MEGF11: variants seen among roughly 807,000 people sequenced by gnomAD.
The protein encoded by MEGF11 is multiple epidermal growth factor-like domains protein 11.
MEGF11 carries 126 observed loss-of-function variants against 146.6 expected under a neutral mutation model. That is an observed-to-expected ratio of 0.86 (90% CI 0.74 to 1.00). The LOEUF (loss-of-function observed/expected upper bound fraction) is 1.00. MEGF11 is among the 50% of genes least tolerant of loss of function. The pLI is 0.00. For missense variants in MEGF11, 1,509 were observed against 1,521.2 expected (o/e 0.99, Z 0.13); for synonymous variants, 532 against 583.4 (o/e 0.91, Z 1.27).
chr15:66,011,720 C>CTATTATTATTAT (rs55863629), intron 5 of MEGF11, among the ~76,000 whole-genome samples: 5,619 of 149,350 alleles, frequency 0.038, 143 homozygotes, highest in South Asian at 0.093. Context: ...GGGAATTTAG[C>CTATTATTATTAT]TATTATTATT....
intron 1 of MEGF11, among the ~76,000 whole-genome samples, chr15:66,180,373 G>A (rs909055306): frequency 1.3e-5 from 2 of 152,086 alleles, no homozygotes; most frequent in Non-Finnish European, 2.9e-5. Context: ...GACCCTCCAC[G>A]TCCCTTCTCA....
intron 2 of MEGF11, among the ~76,000 whole-genome samples, chr15:66,124,885 G>A (rs1219314245): frequency 1.3e-5 from 2 of 152,248 alleles, no homozygotes; most frequent in African/African-American, 2.4e-5. Context: ...TAAGCAGGCT[G>A]GAGAGAGGAC....
At chr15:66,249,916 C>G (rs2092347391) in intron 1 of MEGF11, among the ~76,000 whole-genome samples, 1 of 152,192 alleles carries the variant, frequency 6.6e-6, no homozygotes, top group Non-Finnish European at 1.5e-5. Flanking sequence ...AAGAAAAGAG[C>G]AGCATTTTAA....
At chr15:66,200,863 A>G (rs2091140782) in intron 1 of MEGF11, among the ~76,000 whole-genome samples, 1 of 152,082 alleles carries the variant, frequency 6.6e-6, no homozygotes, top group Admixed American at 6.5e-5. Flanking sequence ...AAAGCCCAGC[A>G]TGCATCATGG....
At position 66,016,424 on chromosome 15, in the gene MEGF11, C is replaced by G. The variant is rs372656440; in HGVS notation, c.395-33936G>C. ...CCCGAGTTTTCTAACGACCGCAAAACAATTTGTCATTCTATTCTAAAAGAA... is the reference window on the plus strand; with the variant it reads ...CCCGAGTTTTCTAACGACCGCAAAAGAATTTGTCATTCTATTCTAAAAGAA... On this transcript the variant is annotated intron_variant, in intron 5 of 25. Transcript: ENST00000395614. Among the ~76,000 whole-genome samples, 4 of 149,514 alleles carry G rather than the reference C, an allele frequency of 2.7e-5. No individual in the cohort carries two copies. In the East Asian group the frequency reaches 8.0e-4, roughly 30 times the overall value.
At chr15:66,176,480 C>T (rs1388513285) in intron 1 of MEGF11, among the ~76,000 whole-genome samples, 1 of 152,108 alleles carries the variant, frequency 6.6e-6, no homozygotes, top group African/African-American at 2.4e-5. Context: ...CCTTATGTAG[C>T]TATTTAGATC....
intron 1 of MEGF11, among the ~76,000 whole-genome samples, chr15:66,237,962 T>C (rs2092131310): frequency 6.6e-6 from 1 of 152,262 alleles, no homozygotes; most frequent in African/African-American, 2.4e-5. Flanking sequence ...AGGATGTATT[T>C]GCACGGTAAT....
chr15:66,245,659 G>A (rs7178788), intron 1 of MEGF11, among the ~76,000 whole-genome samples: 56,966 of 151,892 alleles, frequency 0.38, 11,678 homozygotes, highest in African/African-American at 0.55. Flanking sequence ...ATGCTTCAGT[G>A]TGATATGAAG....
chr15:65,960,523 A>G (rs1184258377), intron 9 of MEGF11, among the ~76,000 whole-genome samples: 1 of 152,156 alleles, frequency 6.6e-6, no homozygotes, highest in East Asian at 1.9e-4. Flanking sequence ...TCTTTCCAAG[A>G]GCTTCCTTTG....
intron 1 of MEGF11, among the ~76,000 whole-genome samples, chr15:66,229,373 G>A (rs540716663): frequency 1.3e-5 from 2 of 152,088 alleles, no homozygotes; most frequent in African/African-American, 2.4e-5. Context: ...TGTCCCAGCC[G>A]AATGGGGAGG....
intron 5 of MEGF11, among the ~76,000 whole-genome samples, chr15:66,034,315 T>C (rs2083643239): frequency 6.6e-6 from 1 of 152,172 alleles, no homozygotes; most frequent in Admixed American, 6.5e-5. Flanking sequence ...TTGGAACAGT[T>C]AAGACTTTGT....
chr15:66,036,739 G>A (rs1306800912), intron 5 of MEGF11, among the ~76,000 whole-genome samples: 2 of 152,226 alleles, frequency 1.3e-5, no homozygotes, highest in Admixed American at 6.5e-5. Flanking sequence ...AGGGAGCTGG[G>A]AGCCTTAAAC....
intron 17 of MEGF11, 124 bp downstream of exon 17, chr15:65,916,704 G>A (rs1202472044): frequency 6.7e-7 from 1 of 1,493,552 alleles, no homozygotes; most frequent in Admixed American, 2.0e-5. Flanking sequence ...GCAGGAGTCA[G>A]GTACCACCAG....
At chr15:65,915,632 A>G (rs1482777891) in intron 18 of MEGF11, 34 bp from the exon 19 acceptor site, 2 of 1,605,854 alleles carry the variant, frequency 1.2e-6, no homozygotes, top group Non-Finnish European at 1.7e-6. Context: ...TAGAGGACCC[A>G]CTCACTCTCC....
chr15:66,245,523 C>T (rs1462653448), intron 1 of MEGF11, among the ~76,000 whole-genome samples: 4 of 151,166 alleles, frequency 2.6e-5, no homozygotes, highest in South Asian at 2.1e-4. Flanking sequence ...TCCCAGCTAC[C>T]CTGGAGGCTG....
intron 5 of MEGF11, among the ~76,000 whole-genome samples, chr15:66,036,077 G>C (rs1485384679): frequency 6.6e-6 from 1 of 152,246 alleles, no homozygotes; most frequent in Non-Finnish European, 1.5e-5. Flanking sequence ...TGATCAGCCT[G>C]TGCAGGCACA....
At chr15:66,004,673 A>G (rs4776275) in intron 5 of MEGF11, among the ~76,000 whole-genome samples, 4,425 of 152,172 alleles carry the variant, frequency 0.029, 99 homozygotes, top group Non-Finnish European at 0.044. Context: ...TGGGGGTGGT[A>G]AGAGCCCCAC....
At chr15:65,985,582 C>A (rs1596955524) in intron 5 of MEGF11, among the ~76,000 whole-genome samples, 1 of 152,178 alleles carries the variant, frequency 6.6e-6, no homozygotes, top group African/African-American at 2.4e-5. Flanking sequence ...AACCTCTGTT[C>A]TTTCTGGCAC....
chr15:66,094,625 G>A, intron 4 of MEGF11, 131 bp from the exon 5 acceptor site: 1 of 705,918 alleles, frequency 1.4e-6, no homozygotes, highest in Non-Finnish European at 2.4e-6. Flanking sequence ...TGACTGGCTT[G>A]GGGGGGAAAA....
Sources: gnomAD v4.1 joint callset for allele counts (sites outside exome capture counted in the v4.1 genomes callset) on GRCh38, gnomAD v4.1.1 for gene constraint, MANE v1.5 for transcripts, NCBI Gene and HGNC (gene_info 2026-07-23, HGNC 2026-07-21) for gene names.